KCNH1: variants seen among roughly 807,000 people sequenced by gnomAD.
KCNH1 encodes voltage-gated delayed rectifier potassium channel KCNH1.
A neutral mutation model predicts 69.2 loss-of-function variants in KCNH1; 27 were observed. The observed-to-expected ratio is 0.39, with a 90% CI of 0.29 to 0.54. The LOEUF (loss-of-function observed/expected upper bound fraction) is 0.54, where lower values mean the gene tolerates loss of function less well. Ranked by LOEUF, KCNH1 falls within the 20% of genes least tolerant of loss-of-function variation. The pLI is 0.68. For missense variants in KCNH1, 798 were observed against 1,261.6 expected (o/e 0.63, Z 5.57); for synonymous variants, 456 against 487.7 (o/e 0.93, Z 0.86).
chr1:211,038,763 G>T (rs1050513531), intron 5 of KCNH1, among the ~76,000 whole-genome samples: 5 of 152,132 alleles, frequency 3.3e-5, no homozygotes, highest in Non-Finnish European at 7.4e-5. Flanking sequence ...ATGATTTAGG[G>T]TATCTGGGGG....
intron 6 of KCNH1, among the ~76,000 whole-genome samples, chr1:210,974,752 C>CG (rs1043919057): frequency 7.4e-4 from 112 of 151,890 alleles, no homozygotes; most frequent in African/African-American, 2.4e-3. Flanking sequence ...TTAGTAAAGA[C>CG]GGGGTTTCAC....
chr1:211,104,265 A>T (rs973158510), intron 2 of KCNH1, among the ~76,000 whole-genome samples: 9 of 152,236 alleles, frequency 5.9e-5, no homozygotes, highest in African/African-American at 2.2e-4. Flanking sequence ...GAGGGTTTTA[A>T]GCAAAGGAGA....
intron 6 of KCNH1, among the ~76,000 whole-genome samples, chr1:210,975,225 A>G (rs1688583455): frequency 6.6e-6 from 1 of 152,212 alleles, no homozygotes; most frequent in Non-Finnish European, 1.5e-5. Flanking sequence ...GTTTTGATAT[A>G]TTAGAATTCT....
At chr1:211,096,584 C>T (rs538000505) in intron 3 of KCNH1, among the ~76,000 whole-genome samples, 5 of 152,318 alleles carry the variant, frequency 3.3e-5, no homozygotes, top group African/African-American at 1.2e-4. Context: ...TAACCCTCAA[C>T]ATAATTAAAA....
rs116598547 is a variant in KCNH1, at chr1:210,695,717, C to T, written c.2113-11579G>A. Among the ~76,000 whole-genome samples, 651 of 150,930 alleles carry T rather than the reference C, an allele frequency of 4.3e-3. 2 individuals carry two copies. The highest frequency in any genetic ancestry group is 0.015 in the African/African-American group (632 of 40,780). On this transcript the variant is annotated intron_variant, in intron 10 of 10. Coordinates refer to ENST00000271751, the MANE Select transcript of KCNH1 (RefSeq NM_172362.3). The stretch of plus-strand genomic sequence containing the variant: ...AGTCAATTAACTTCTTTGTCTTTGT[C>T]TATTATAATTTGGAAATAATATGCT...
chr1:210,787,778 T>C (rs1453559208), intron 9 of KCNH1, among the ~76,000 whole-genome samples: 1 of 152,180 alleles, frequency 6.6e-6, no homozygotes, highest in African/African-American at 2.4e-5. Context: ...TACAGACTAA[T>C]TTAAAAAGAA....
chr1:210,896,743 A>G (rs548116409), intron 7 of KCNH1, among the ~76,000 whole-genome samples: 1 of 152,214 alleles, frequency 6.6e-6, no homozygotes, highest in Non-Finnish European at 1.5e-5. Flanking sequence ...CAAAGAAAGA[A>G]GAAAAGGTTG....
chr1:210,765,695 A>G (rs887280422), intron 10 of KCNH1, among the ~76,000 whole-genome samples: 1 of 152,190 alleles, frequency 6.6e-6, no homozygotes, highest in African/African-American at 2.4e-5. Context: ...TGAAATATAT[A>G]GGAAAAGCTT....
At chr1:210,922,254 C>T (rs1360154463) in intron 6 of KCNH1, among the ~76,000 whole-genome samples, 4 of 151,686 alleles carry the variant, frequency 2.6e-5, no homozygotes, top group South Asian at 2.1e-4. Flanking sequence ...TGGTGGCAGG[C>T]GCCTGTGGTC....
intron 6 of KCNH1, among the ~76,000 whole-genome samples, chr1:211,015,677 C>A (rs1689479026): frequency 6.6e-6 from 1 of 152,214 alleles, no homozygotes; most frequent in South Asian, 2.1e-4. Context: ...ATCCACCACC[C>A]AAATGCTATG....
At chr1:210,804,420 G>C (rs1281515665) in intron 7 of KCNH1, among the ~76,000 whole-genome samples, 1 of 152,228 alleles carries the variant, frequency 6.6e-6, no homozygotes, top group Non-Finnish European at 1.5e-5. Flanking sequence ...ATGTGAGCTG[G>C]CATGGCCGGG....
At chr1:210,769,984 G>A (rs990880523) in intron 10 of KCNH1, among the ~76,000 whole-genome samples, 11 of 152,174 alleles carry the variant, frequency 7.2e-5, no homozygotes, top group African/African-American at 2.2e-4. Flanking sequence ...TTGTTTTACC[G>A]TATGTAAACT....
Position 210,683,125 on chromosome 1 carries a change from A to T in KCNH1, c.*156T>A. 1.3e-6 allele frequency: 1 copy of T among 743,988 alleles called. No homozygotes were observed. Among genetic ancestry groups the T allele is most frequent in the South Asian group, 1.8e-5 (1 of 56,458 alleles). 46.1% of individuals were successfully genotyped at this position (743,988 alleles called of 1,614,324 possible). On this transcript the variant is annotated 3_prime_UTR_variant, in exon 11 of 11. Coordinates refer to ENST00000271751, the MANE Select transcript of KCNH1 (RefSeq NM_172362.3). This position sits in a 1 kb window ranked among gnomAD's most constrained non-coding sequence, Gnocchi z 5.7. ...CGCTACCCTTCCCATATCTTTTTCC[A>T]GATAGAGAAAGAGCACGTCTAAGCC...
At chr1:211,084,557 T>C (rs1037903171) in intron 4 of KCNH1, among the ~76,000 whole-genome samples, 27 of 152,352 alleles carry the variant, frequency 1.8e-4, no homozygotes, top group African/African-American at 6.5e-4. Flanking sequence ...CCTCACTCTC[T>C]GGCCTAGCCC....
chr1:211,111,747 C>G (rs188658124), intron 1 of KCNH1, among the ~76,000 whole-genome samples: 1 of 115,786 alleles, frequency 8.6e-6, no homozygotes, highest in African/African-American at 3.4e-5. Context: ...AAGTGAGGAG[C>G]GCCTCTGCTT....
chr1:210,755,157 G>C (rs1245147516), intron 10 of KCNH1, among the ~76,000 whole-genome samples: 2 of 152,114 alleles, frequency 1.3e-5, no homozygotes, highest in African/African-American at 2.4e-5. Context: ...AGCACAGAGT[G>C]GTCGGGGTGG....
At chr1:211,026,301 G>A (rs962014759) in intron 5 of KCNH1, among the ~76,000 whole-genome samples, 5 of 143,072 alleles carry the variant, frequency 3.5e-5, no homozygotes, top group Non-Finnish European at 1.5e-5. Flanking sequence ...AGCTCTCTGG[G>A]TTTTCTTTTT....
At chr1:210,966,871 T>C (rs755885741) in intron 6 of KCNH1, among the ~76,000 whole-genome samples, 1 of 152,208 alleles carries the variant, frequency 6.6e-6, no homozygotes, top group Non-Finnish European at 1.5e-5. Context: ...AATGGGTACA[T>C]ACCCAAAGGA....
chr1:211,015,650 G>A (rs1689478595), intron 6 of KCNH1, among the ~76,000 whole-genome samples: 1 of 152,174 alleles, frequency 6.6e-6, no homozygotes, highest in Admixed American at 6.5e-5. Context: ...TCTTGGAGCT[G>A]GCAGGAAACT....
Sources: gnomAD v4.1 joint callset for allele counts (sites outside exome capture counted in the v4.1 genomes callset) on GRCh38, gnomAD v4.1.1 for gene constraint, Gnocchi (gnomAD v3.1) non-coding constraint, MANE v1.5 for transcripts, NCBI Gene and HGNC (gene_info 2026-07-23, HGNC 2026-07-21) for gene names.